Variants in ARHGEF28 observed in about 807,000 individuals in gnomAD.
ARHGEF28 encodes the protein 190 kDa guanine nucleotide exchange factor.
Under a neutral mutation model 206.6 loss-of-function variants are expected in ARHGEF28, and 152 were observed. The ratio of observed to expected loss-of-function variants is 0.74; its 90% CI spans 0.64 to 0.84. The LOEUF (loss-of-function observed/expected upper bound fraction) is 0.84. Among genes scored for constraint, ARHGEF28 ranks in the 40% least tolerant of loss-of-function variants. ARHGEF28 has a pLI of 0.00. For missense variants in ARHGEF28, 2,028 were observed against 2,073.2 expected, an observed-to-expected ratio of 0.98 and a Z score of 0.42; for synonymous variants, 763 against 776.4, an observed-to-expected ratio of 0.98 and a Z score of 0.29.
At chr5:73,933,549 C>T (rs1764250457) in intron 35 of ARHGEF28, among the ~76,000 whole-genome samples, 1 of 152,172 alleles carries the variant, frequency 6.6e-6, no homozygotes, top group Non-Finnish European at 1.5e-5. Flanking sequence ...AGAAGCTAGA[C>T]TGTTGGAATA....
At chr5:73,683,668 A>T (rs537291128) in intron 1 of ARHGEF28, among the ~76,000 whole-genome samples, 1 of 149,120 alleles carries the variant, frequency 6.7e-6, no homozygotes, top group Admixed American at 6.8e-5. Context: ...CCTGGCAGAG[A>T]GGTTGGTTAG....
intron 30 of ARHGEF28, chr5:73,900,730 T>G (rs1268073352): frequency 1.3e-5 from 2 of 154,246 alleles, no homozygotes; most frequent in African/African-American, 4.8e-5. Flanking sequence ...TCCTAAACCT[T>G]GTTTATCGTC....
At chr5:73,698,429 T>C (rs1181612606) in intron 2 of ARHGEF28, among the ~76,000 whole-genome samples, 1 of 152,198 alleles carries the variant, frequency 6.6e-6, no homozygotes, top group Non-Finnish European at 1.5e-5. Context: ...ACCCCTGATT[T>C]GTACAGGTCA....
chr5:73,872,954 C>T (rs1760201828), intron 21 of ARHGEF28, 45 bp from the exon 22 acceptor site: 1 of 1,590,022 alleles, frequency 6.3e-7, no homozygotes. Context: ...GCGAAACTTG[C>T]TTTTTAAAGC....
rs147244279 is a variant in ARHGEF28 at position 73,793,299 on chromosome 5, G to C, written c.911-1103G>C. Among the ~76,000 whole-genome samples the C allele has an allele frequency of 3.5e-4, 54 of 152,230 alleles. No homozygotes were observed. The East Asian group carries it at 6.6e-3, about 18-fold the overall frequency. On this transcript the variant is annotated intron_variant, in intron 7 of 35. Transcript: ENST00000513042. ...ACTTATAGCTCCATCCTTGTAATTT[G>C]TCATCTTTATTATGATTTGTCATGT...
chr5:73,795,291 T>C (rs951898783), intron 8 of ARHGEF28, 40 bp from the exon 9 acceptor site: 1 of 1,576,692 alleles, frequency 6.3e-7, no homozygotes, highest in African/African-American at 1.4e-5. Flanking sequence ...GTAGCATATA[T>C]GTAATTTTTT....
chr5:73,869,427 A>G (rs777825093), intron 20 of ARHGEF28, among the ~76,000 whole-genome samples: 5 of 152,210 alleles, frequency 3.3e-5, no homozygotes, highest in Admixed American at 6.5e-5. Context: ...TGTGTTCCAG[A>G]TTCTGTAGAC....
intron 11 of ARHGEF28, 68 bp downstream of exon 11, chr5:73,840,828 T>G (rs1757945377): frequency 1.4e-6 from 2 of 1,469,530 alleles, no homozygotes; most frequent in South Asian, 2.8e-5. Context: ...CTTCAAAAAT[T>G]CTAGTTTTAA....
intron 9 of ARHGEF28, among the ~76,000 whole-genome samples, chr5:73,801,122 C>G (rs553384448): frequency 2.0e-5 from 3 of 152,138 alleles, no homozygotes; most frequent in Admixed American, 1.3e-4. Context: ...TTGTAAGTCG[C>G]CTGTGGAAAA....
chr5:73,813,044 G>A (rs1755937642), intron 9 of ARHGEF28, among the ~76,000 whole-genome samples: 1 of 152,144 alleles, frequency 6.6e-6, no homozygotes, highest in Admixed American at 6.5e-5. Context: ...CCTGGAGTCT[G>A]CTGGCCTTCA....
intron 1 of ARHGEF28, among the ~76,000 whole-genome samples, chr5:73,665,871 C>T (rs527818150): frequency 6.6e-6 from 1 of 152,256 alleles, no homozygotes; most frequent in Admixed American, 6.5e-5. Flanking sequence ...TCTGGACCCC[C>T]CAAATTCCTG....
At chr5:73,714,682 A>G (rs540430877) in intron 2 of ARHGEF28, among the ~76,000 whole-genome samples, 205 of 152,290 alleles carry the variant, frequency 1.3e-3, no homozygotes, top group Non-Finnish European at 2.5e-3. Flanking sequence ...ATAAACTTCT[A>G]TGCAGTCATA....
At chr5:73,628,009 TTAAAGG>T (rs1344667683) in intron 1 of ARHGEF28, among the ~76,000 whole-genome samples, 2 of 151,256 alleles carry the variant, frequency 1.3e-5, no homozygotes, top group Non-Finnish European at 2.9e-5. Context: ...TTATAAACAC[TTAAAGG>T]TAAAGAAGAA....
chr5:73,775,903 C>T (rs1433010206), intron 5 of ARHGEF28, among the ~76,000 whole-genome samples: 1 of 38,402 alleles, frequency 2.6e-5, no homozygotes. Context: ...CATGACTCTC[C>T]AAAAAACACA....
At chr5:73,837,886 T>G (rs546326560) in intron 10 of ARHGEF28, among the ~76,000 whole-genome samples, 34 of 151,824 alleles carry the variant, frequency 2.2e-4, no homozygotes, top group Non-Finnish European at 3.5e-4. Context: ...GGATTACAGG[T>G]GTGCACCATG....
At position 73,886,024 on chromosome 5, in the gene ARHGEF28, A is replaced by T; in HGVS notation, c.3230A>T (p.Lys1077Met). 6.2e-7 allele frequency: 1 copy of T among 1,613,982 alleles called. No homozygotes were observed. The highest frequency in any genetic ancestry group is 8.5e-7 in the Non-Finnish European group (1 of 1,179,878). Residue 1077 changes from lysine to methionine, a missense_variant, in exon 25 of 36, where the codon AAG becomes ATG. Physicochemically the swap from Lys to Met is moderately conservative, Grantham distance 95 (BLOSUM62 -1). Transcript: ENST00000513042. ...CTCAAAAATGGACATGTGTTTAGGA[A>T]GCAGGCACTGATGAGTGAAGAAAGG... ...TKLKNGHVFR[K>M]QALMSEERTL...
At chr5:73,802,664 A>C (rs1406342722) in intron 9 of ARHGEF28, among the ~76,000 whole-genome samples, 1 of 152,222 alleles carries the variant, frequency 6.6e-6, no homozygotes, top group Admixed American at 6.5e-5. Context: ...CAACAAATGT[A>C]CAAAACATGA....
At chr5:73,654,507 G>A (rs16870660) in intron 1 of ARHGEF28, among the ~76,000 whole-genome samples, 3,425 of 152,250 alleles carry the variant, frequency 0.022, 135 homozygotes, top group African/African-American at 0.077. Context: ...GAGAGAGCTG[G>A]GGCTGAAAGT....
chr5:73,664,120 T>G (rs1745794880), intron 1 of ARHGEF28, among the ~76,000 whole-genome samples: 1 of 152,210 alleles, frequency 6.6e-6, no homozygotes, highest in African/African-American at 2.4e-5. Context: ...TTTAACTCGG[T>G]CATCCCCACA....
Sources: allele counts gnomAD v4.1 joint callset (sites outside exome capture counted in the v4.1 genomes callset), GRCh38; gene constraint gnomAD v4.1.1; transcripts MANE v1.5; gene names NCBI Gene and HGNC (gene_info 2026-07-23, HGNC 2026-07-21).